Variants in SPIRE1 observed in about 807,000 individuals in gnomAD.
SPIRE1 encodes the protein spire type actin nucleation factor 1, also known as protein spire homolog 1.
In SPIRE1, 40 loss-of-function variants were observed where a neutral mutation model predicts 94.1. That is an observed-to-expected ratio of 0.43 (90% CI 0.33 to 0.55). SPIRE1 has a LOEUF of 0.55. Among genes scored for constraint, SPIRE1 ranks in the 20% least tolerant of loss-of-function variants. SPIRE1 has a pLI of 0.06. For missense variants in SPIRE1, 838 were observed against 975.2 expected, an observed-to-expected ratio of 0.86 and a Z score of 1.87; for synonymous variants, 376 against 371.7, an observed-to-expected ratio of 1.01 and a Z score of -0.13.
intron 4 of SPIRE1, among the ~76,000 whole-genome samples, chr18:12,515,093 A>G (rs2034158888): frequency 6.6e-6 from 1 of 152,030 alleles, no homozygotes; most frequent in African/African-American, 2.4e-5. Context: ...CTCCCTTGTC[A>G]CCCAAAGGCT....
In SPIRE1 at chr18:12,464,907, G is replaced by A; in HGVS notation, c.1456C>T (p.Pro486Ser). 1 of 1,614,018 alleles carries A rather than the reference G, an allele frequency of 6.2e-7. No homozygotes were observed. The highest frequency in any genetic ancestry group is 1.6e-4 in the Middle Eastern group (1 of 6,062). ...TSSSSVSPSFPEEPVLEAVST... is the reference protein window; with the variant it reads ...TSSSSVSPSFSEEPVLEAVST... Reference sequence around the variant, plus strand: ...ACGGCCTCCAGGACTGGCTCTTCAGGGAAAGAGGGAGACACGCTGCTGCTG... The same window carrying A: ...ACGGCCTCCAGGACTGGCTCTTCAGAGAAAGAGGGAGACACGCTGCTGCTG... The change falls in exon 11 of 17, where the codon CCT becomes TCT. Residue 486 changes from proline (P) to serine (S), a missense_variant. Transcript: ENST00000409402.
rs1462280632 is a variant in SPIRE1 at position 12,658,012 on chromosome 18, C to A, written c.-146G>T. 8.1e-6 allele frequency: 8 copies of A among 993,372 alleles called. No homozygotes were observed. The highest frequency in any genetic ancestry group is 6.1e-5 in the Admixed American group (1 of 16,412). The allele number at this position is 993,372 out of a possible 1,614,324, so 61.5% of individuals were successfully genotyped here. ...CGCGCGCGCCGCCGCCGGGACCAGGCGAGTGCCCGGGAGGCGTGGGCAAGA... is the reference window on the plus strand; with the variant it reads ...CGCGCGCGCCGCCGCCGGGACCAGGAGAGTGCCCGGGAGGCGTGGGCAAGA... On this transcript the variant is annotated 5_prime_UTR_variant, in exon 1 of 17. Coordinates refer to ENST00000409402, the MANE Select transcript of SPIRE1 (RefSeq NM_001128626.2).
chr18:12,566,353 A>T (rs1270108251), intron 2 of SPIRE1, among the ~76,000 whole-genome samples: 1 of 152,218 alleles, frequency 6.6e-6, no homozygotes, highest in African/African-American at 2.4e-5. Context: ...AAATAAATTA[A>T]AAAGAAGTTA....
intron 2 of SPIRE1, among the ~76,000 whole-genome samples, chr18:12,607,386 C>G (rs572737412): frequency 6.6e-6 from 1 of 152,224 alleles, no homozygotes; most frequent in South Asian, 2.1e-4. Context: ...TGGGAATCAA[C>G]AAAACCATAG....
chr18:12,473,074 C>T (rs373657384), intron 10 of SPIRE1, among the ~76,000 whole-genome samples: 33 of 152,278 alleles, frequency 2.2e-4, no homozygotes, highest in East Asian at 1.9e-3. Flanking sequence ...GGATTACAGG[C>T]GTGAGCCACC....
intron 4 of SPIRE1, among the ~76,000 whole-genome samples, chr18:12,533,932 T>TACAC (rs10658152): frequency 0.16 from 23,512 of 144,336 alleles, 2,160 homozygotes; most frequent in South Asian, 0.28. Context: ...GCTAATCCAT[T>TACAC]ACACACACAC....
chr18:12,603,517 A>G (rs1338678013), intron 2 of SPIRE1, among the ~76,000 whole-genome samples: 4 of 152,046 alleles, frequency 2.6e-5, no homozygotes, highest in East Asian at 1.9e-4. Flanking sequence ...TGGGACTTTC[A>G]GCACCAACTC....
At chr18:12,519,572 C>A (rs2034302002) in intron 4 of SPIRE1, among the ~76,000 whole-genome samples, 1 of 151,492 alleles carries the variant, frequency 6.6e-6, no homozygotes, top group South Asian at 2.1e-4. Flanking sequence ...TAAAATATCA[C>A]AGACAATATT....
chr18:12,512,634 G>C (rs547452730), intron 4 of SPIRE1, 103 bp from the exon 5 acceptor site: 1 of 711,164 alleles, frequency 1.4e-6, no homozygotes, highest in East Asian at 2.7e-5. Flanking sequence ...AAGTACCAGT[G>C]AAGGAGATGG....
intron 1 of SPIRE1, chr18:12,656,719 A>G (rs1300570379): frequency 2.0e-6 from 2 of 979,800 alleles, no homozygotes; most frequent in Non-Finnish European, 2.4e-6. Flanking sequence ...CTCCTCTTCA[A>G]TGAGCATCTG....
intron 4 of SPIRE1, among the ~76,000 whole-genome samples, chr18:12,520,007 T>C (rs953368076): frequency 1.3e-5 from 2 of 152,114 alleles, no homozygotes; most frequent in African/African-American, 4.8e-5. Context: ...CTGTTTGTAA[T>C]AGAAAAAGAA....
intron 3 of SPIRE1, among the ~76,000 whole-genome samples, chr18:12,544,230 C>G (rs2035090243): frequency 6.7e-6 from 1 of 150,186 alleles, no homozygotes; most frequent in Non-Finnish European, 1.5e-5. Flanking sequence ...GACAGAGTCT[C>G]ACTCTGTCAC....
chr18:12,571,970 C>A (rs967038342), intron 2 of SPIRE1, among the ~76,000 whole-genome samples: 10 of 152,222 alleles, frequency 6.6e-5, no homozygotes, highest in Non-Finnish European at 2.9e-5. Context: ...ACAACCTAGT[C>A]TGGGGTCACG....
At chr18:12,516,417 T>C (rs1465733462) in intron 4 of SPIRE1, among the ~76,000 whole-genome samples, 5 of 151,940 alleles carry the variant, frequency 3.3e-5, no homozygotes, top group Non-Finnish European at 7.4e-5. Context: ...ATTGATAGAG[T>C]GTGAGAATAG....
chr18:12,453,205 G>T (rs938844849), intron 13 of SPIRE1, 67 bp from the exon 14 acceptor site: 1 of 1,087,602 alleles, frequency 9.2e-7, no homozygotes, highest in Non-Finnish European at 1.4e-6. Context: ...ATCCATGTTT[G>T]AATATGCTTT....
chr18:12,528,123 T>G (rs2034579322), intron 4 of SPIRE1, among the ~76,000 whole-genome samples: 1 of 151,148 alleles, frequency 6.6e-6, no homozygotes, highest in Non-Finnish European at 1.5e-5. Context: ...TTAAAAAAAC[T>G]TAATCTCATT....
chr18:12,503,647 A>G (rs745870625), intron 6 of SPIRE1, among the ~76,000 whole-genome samples: 3 of 151,974 alleles, frequency 2.0e-5, no homozygotes, highest in Non-Finnish European at 4.4e-5. Context: ...ACAGGTTATC[A>G]GTGGCTGCCA....
intron 1 of SPIRE1, among the ~76,000 whole-genome samples, chr18:12,636,127 AAGT>A (rs1193883346): frequency 1.3e-5 from 2 of 152,108 alleles, no homozygotes; most frequent in African/African-American, 4.8e-5. Context: ...TCCTGACCTC[AAGT>A]GATCTGCCTG....
intron 1 of SPIRE1, among the ~76,000 whole-genome samples, chr18:12,646,880 G>A (rs1284930373): frequency 1.3e-5 from 2 of 151,892 alleles, no homozygotes. Context: ...CTCTGTCTCT[G>A]CTAAAAATAC....
Sources: allele counts gnomAD v4.1 joint callset (sites outside exome capture counted in the v4.1 genomes callset), GRCh38; gene constraint gnomAD v4.1.1; transcripts MANE v1.5; gene names NCBI Gene and HGNC (gene_info 2026-07-23, HGNC 2026-07-21).